Variants in MROH2A observed in about 807,000 individuals in gnomAD.
The protein encoded by MROH2A is maestro heat like repeat family member 2A.
Under a neutral mutation model 200.4 loss-of-function variants are expected in MROH2A, and 174 were observed. The ratio of observed to expected loss-of-function variants is 0.87; its 90% CI spans 0.77 to 0.98. MROH2A has a LOEUF of 0.98. Ranked by LOEUF, MROH2A falls within the 50% of genes least tolerant of loss-of-function variation. The pLI, the probability that MROH2A is intolerant of heterozygous loss-of-function variation, is 0.00. For missense variants in MROH2A, 2,045 were observed against 2,139.6 expected (o/e 0.96, Z 0.87); for synonymous variants, 829 against 840.4 (o/e 0.99, Z 0.23).
At chr2:233,805,193 G>A (rs975594214) in intron 19 of MROH2A, 82 bp downstream of exon 19, 5 of 922,718 alleles carry the variant, frequency 5.4e-6, no homozygotes, top group African/African-American at 3.3e-5. Flanking sequence ...CACCGTGTGT[G>A]TGAGATCAGC....
At chr2:233,822,656 TCTC>T in intron 33 of MROH2A, 100 bp downstream of exon 33, 2 of 1,283,642 alleles carry the variant, frequency 1.6e-6, no homozygotes, top group Non-Finnish European at 2.1e-6. Context: ...GGGCCCTCTG[TCTC>T]CTCCTGGTGG....
In MROH2A at chr2:233,807,039, G is replaced by A. The variant is rs956051437; in HGVS notation, c.2053-384G>A. Among the ~76,000 whole-genome samples, 2 of 152,002 alleles carry A rather than the reference G, an allele frequency of 1.3e-5. No individual in the cohort carries two copies. The highest frequency in any genetic ancestry group is 3.4e-3 in the Middle Eastern group (1 of 294). On this transcript the variant is annotated intron_variant, in intron 19 of 41. Transcript: ENST00000389758. This position sits in a 1 kb window ranked among gnomAD's most constrained non-coding sequence, Gnocchi z 4.3. The stretch of plus-strand genomic sequence containing the variant: ...CTCCCACTTATGAGTGAGAACATAC[G>A]ACGTTTGGTTTTCCATTCCTAAGTT...
In MROH2A at chr2:233,822,108, C is replaced by A; in HGVS notation, c.3513-16C>A. On this transcript the variant is annotated splice_polypyrimidine_tract_variant and intron_variant, in intron 31 of 41. Transcript: ENST00000389758. The stretch of plus-strand genomic sequence containing the variant: ...TGCCAGGAAACTCACAGTCCTTGTG[C>A]CCTGACTTTGGTTAGCCACCTGGCA... 2.6e-6 allele frequency: 4 copies of A among 1,545,706 alleles called. No homozygotes were observed. Among genetic ancestry groups the A allele is most frequent in the Non-Finnish European group, 3.5e-6 (4 of 1,144,220 alleles).
rs573902662 is a variant in MROH2A, at chr2:233,823,911, G to A, written c.4113+247G>A. On this transcript the variant is annotated intron_variant, in intron 35 of 41. Transcript: ENST00000389758. ...GTTAACTGATGTGTGACCCAGGCAAGTACAGTGACCCAGGGGACCCAGGGA... is the reference window on the plus strand; with the variant it reads ...GTTAACTGATGTGTGACCCAGGCAAATACAGTGACCCAGGGGACCCAGGGA... Among the ~76,000 whole-genome samples the A allele has an allele frequency of 3.3e-5, 5 of 152,342 alleles. No homozygotes were observed. The South Asian group carries it at 6.2e-4, about 19-fold the overall frequency.
chr2:233,816,915 T>A, intron 27 of MROH2A, 30 bp downstream of exon 27: 1 of 1,349,884 alleles, frequency 7.4e-7, no homozygotes, highest in South Asian at 1.3e-5. Context: ...GCCCCCAGCC[T>A]GCTGCTCTGA....
chr2:233,790,451 CCCCTTCCTTCCTCCCTCCCT>C (rs1237647198), intron 5 of MROH2A, among the ~76,000 whole-genome samples: 682 of 53,100 alleles, frequency 0.013, 79 homozygotes, highest in African/African-American at 0.079. Flanking sequence ...CCTCCCTCCC[CCCCTTCCTTCCTCCCTCCCT>C]CCTTCCTTCC....
At position 233,779,762 on chromosome 2, in the gene MROH2A, G is replaced by C; in HGVS notation, c.186G>C (p.Lys62Asn). 1 of 1,550,974 alleles carries C rather than the reference G, an allele frequency of 6.4e-7. No homozygotes were observed. Among genetic ancestry groups the C allele is most frequent in the Non-Finnish European group, 8.7e-7 (1 of 1,147,084 alleles). The change falls in exon 3 of 42, where the codon AAG becomes AAC. Residue 62 changes from lysine (K) to asparagine (N), a missense_variant. Transcript: ENST00000389758. ...CAGGGGCAGGCCTTGACATGCGGAA[G>C]ACCCTGGCCTCGGTGATAATCATGG... ...DTTGAGLDMR[K>N]TLASVIIMEK... is the part of the protein sequence containing the mutation.
intron 26 of MROH2A, 29 bp downstream of exon 26, chr2:233,814,706 A>G: frequency 6.8e-7 from 1 of 1,479,556 alleles, no homozygotes. Context: ...GGCCAGAGCC[A>G]GGGATGGCCA....
intron 5 of MROH2A, 70 bp downstream of exon 5, chr2:233,790,084 A>G: frequency 1.5e-6 from 2 of 1,355,316 alleles, no homozygotes; most frequent in Non-Finnish European, 2.0e-6. Context: ...TGCCCCTCCC[A>G]TCTATCCCTA....
rs1325905178 is a variant in MROH2A at position 233,807,694 on chromosome 2, G to A, written c.2173-39G>A. 2 of 1,550,400 alleles carry A rather than the reference G, an allele frequency of 1.3e-6. No homozygotes were observed. Among genetic ancestry groups the A allele is most frequent in the South Asian group, 2.4e-5 (2 of 84,032 alleles). ...GTGTGGGATCCTCCTCTGCCCACTGGCCCCTGCCCTCACCCTGGCTGGCTG... is the reference window on the plus strand; with the variant it reads ...GTGTGGGATCCTCCTCTGCCCACTGACCCCTGCCCTCACCCTGGCTGGCTG... On this transcript the variant is annotated intron_variant, in intron 20 of 41. Coordinates refer to ENST00000389758, the MANE Select transcript of MROH2A (RefSeq NM_001394639.1). This position sits in a 1 kb window ranked among gnomAD's most constrained non-coding sequence, Gnocchi z 4.3.
At chr2:233,803,201 G>A (rs1009623324) in intron 15 of MROH2A, among the ~76,000 whole-genome samples, 5 of 152,214 alleles carry the variant, frequency 3.3e-5, no homozygotes, top group African/African-American at 1.2e-4. Context: ...AAATGCGCAT[G>A]GCCTGAAAAG....
intron 8 of MROH2A, 149 bp downstream of exon 8, chr2:233,794,655 G>A: frequency 1.7e-6 from 1 of 597,836 alleles, no homozygotes; most frequent in East Asian, 2.8e-5. Context: ...GCGAGGGAGG[G>A]GCGTGGAGCC....
intron 11 of MROH2A, among the ~76,000 whole-genome samples, chr2:233,798,227 C>T (rs1300692201): frequency 6.6e-6 from 1 of 152,222 alleles, no homozygotes; most frequent in Non-Finnish European, 1.5e-5. Flanking sequence ...AACTAGCAAA[C>T]ACTTGCCCAG....
intron 3 of MROH2A, among the ~76,000 whole-genome samples, chr2:233,780,967 A>G (rs561254704): frequency 6.6e-6 from 1 of 152,162 alleles, no homozygotes; most frequent in Non-Finnish European, 1.5e-5. Flanking sequence ...TAGCTCCCAT[A>G]TATGAGTGAG....
intron 1 of MROH2A, among the ~76,000 whole-genome samples, 164 bp downstream of exon 1, chr2:233,778,645 T>C (rs1254672895): frequency 2.0e-5 from 3 of 152,198 alleles, no homozygotes; most frequent in Non-Finnish European, 4.4e-5. Context: ...TCTATGTTGG[T>C]GTTTCTCAAT....
In MROH2A at chr2:233,822,570, C is replaced by G; in HGVS notation, c.3866+14C>G. Reference sequence around the variant, plus strand: ...GAACCTGCAAAGGTGCTCTCGAGGGCGGTGGGTGCAAGGCAGCAGGCCTGG... The same window carrying G: ...GAACCTGCAAAGGTGCTCTCGAGGGGGGTGGGTGCAAGGCAGCAGGCCTGG... On this transcript the variant is annotated intron_variant, in intron 33 of 41. Coordinates refer to ENST00000389758, the MANE Select transcript of MROH2A (RefSeq NM_001394639.1). The G allele has an allele frequency of 3.2e-6, 5 of 1,546,374 alleles. No homozygotes were observed. Among genetic ancestry groups the G allele is most frequent in the Non-Finnish European group, 4.4e-6 (5 of 1,146,472 alleles).
In MROH2A at chr2:233,807,653, T is replaced by TGC; in HGVS notation, c.2173-79_2173-78dup. 6.5e-7 allele frequency: 1 copy of TGC among 1,546,872 alleles called. No individual in the cohort carries two copies. The highest frequency in any genetic ancestry group is 8.7e-7 in the Non-Finnish European group (1 of 1,144,832). On this transcript the variant is annotated intron_variant, in intron 20 of 41. Coordinates refer to ENST00000389758, the MANE Select transcript of MROH2A (RefSeq NM_001394639.1). The surrounding 1 kb of genome is among the most constrained non-coding windows in gnomAD (Gnocchi z 4.3). ...GTGTGTGTGTGTGTACATGTGTGTG[T>TGC]GCCTTGCACGTGTGTGTGTGGGATC...
At chr2:233,785,898 T>A (rs758399052) in intron 3 of MROH2A, among the ~76,000 whole-genome samples, 3 of 152,142 alleles carry the variant, frequency 2.0e-5, no homozygotes, top group Admixed American at 6.5e-5. Flanking sequence ...TTTCTCACAA[T>A]TCTGGAAGCT....
intron 18 of MROH2A, 45 bp downstream of exon 18, chr2:233,804,592 A>G: frequency 6.5e-7 from 1 of 1,528,392 alleles, no homozygotes; most frequent in Non-Finnish European, 8.9e-7. Context: ...GAGGAGAAAG[A>G]TGGGAGCAGA....
Sources: allele counts gnomAD v4.1 joint callset (sites outside exome capture counted in the v4.1 genomes callset), GRCh38; gene constraint gnomAD v4.1.1; non-coding constraint Gnocchi (gnomAD v3.1); transcripts MANE v1.5; gene names NCBI Gene and HGNC (gene_info 2026-07-23, HGNC 2026-07-21).